Variants in MTHFD2L observed in about 807,000 individuals in gnomAD.
MTHFD2L encodes methylenetetrahydrofolate dehydrogenase (NADP+ dependent) 2 like.
MTHFD2L carries 29 observed loss-of-function variants against 34.9 expected under a neutral mutation model. The ratio of observed to expected loss-of-function variants is 0.83; its 90% CI spans 0.62 to 1.13. The LOEUF is 1.13. MTHFD2L is among the 50% of genes most tolerant of loss of function. The pLI is 0.00. For missense variants in MTHFD2L, 481 were observed against 446.5 expected, an observed-to-expected ratio of 1.08 and a Z score of -0.70; for synonymous variants, 167 against 155.7, an observed-to-expected ratio of 1.07 and a Z score of -0.54.
chr4:74,187,466 C>A (rs1056336552), intron 3 of MTHFD2L, among the ~76,000 whole-genome samples: 1 of 152,100 alleles, frequency 6.6e-6, no homozygotes, highest in Non-Finnish European at 1.5e-5. Context: ...TTTGAACAGA[C>A]ACTTCAAAGA....
At chr4:74,157,355 T>C (rs1209080503), upstream of MTHFD2L, 3 of 269,384 alleles carry the variant, frequency 1.1e-5, no homozygotes, top group Non-Finnish European at 2.2e-5. Context: ...ACTTCCCAGC[T>C]GGTTTTATCT....
chr4:74,190,316 A>T, intron 3 of MTHFD2L: 1 of 188,038 alleles, frequency 5.3e-6, no homozygotes, highest in Non-Finnish European at 9.9e-6. Context: ...TATACTCTTC[A>T]GGTCACTTAA....
intron 5 of MTHFD2L, among the ~76,000 whole-genome samples, chr4:74,223,454 T>C (rs1169303643): frequency 2.6e-5 from 4 of 151,946 alleles, no homozygotes; most frequent in Admixed American, 2.6e-4. Flanking sequence ...CAACAGACAC[T>C]GAAGCTTACC....
intron 7 of MTHFD2L, among the ~76,000 whole-genome samples, chr4:74,299,041 A>G (rs1273416556): frequency 6.6e-6 from 1 of 151,980 alleles, no homozygotes; most frequent in Non-Finnish European, 1.5e-5. Flanking sequence ...TAAGTACTCA[A>G]TTGATAGTAG....
At chr4:74,218,099 C>A (rs1169848348) in intron 5 of MTHFD2L, among the ~76,000 whole-genome samples, 5 of 151,970 alleles carry the variant, frequency 3.3e-5, no homozygotes, top group African/African-American at 1.2e-4. Context: ...ATTGTGTATT[C>A]TCATTGCCTA....
intron 6 of MTHFD2L, among the ~76,000 whole-genome samples, chr4:74,230,451 G>A (rs1487716822): frequency 6.6e-6 from 1 of 151,896 alleles, no homozygotes. Flanking sequence ...TTAGCCAGGT[G>A]TGGTGGTGGG....
chr4:74,210,061 A>G (rs970964692), intron 5 of MTHFD2L, among the ~76,000 whole-genome samples: 8 of 151,544 alleles, frequency 5.3e-5, no homozygotes, highest in African/African-American at 1.9e-4. Flanking sequence ...TTTCTTTTAA[A>G]TTTAAGTTTC....
intron 1 of MTHFD2L, among the ~76,000 whole-genome samples, chr4:74,170,353 C>G (rs943438623): frequency 6.6e-6 from 1 of 152,160 alleles, no homozygotes; most frequent in African/African-American, 2.4e-5. Flanking sequence ...TATTAACAGA[C>G]TAACACTCGA....
In MTHFD2L at chr4:74,137,927, T is replaced by C. The variant is rs980201079; in HGVS notation, c.-297+12410T>C. Among the ~76,000 whole-genome samples, 5 of 151,876 alleles carry C rather than the reference T, an allele frequency of 3.3e-5. No individual in the cohort carries two copies. In the East Asian group the frequency reaches 7.7e-4, roughly 23 times the overall value. ...AAAGTGGATATCATGAAGATACAGA[T>C]TGATGGTTACCAGAGACCAAGAATG... On this transcript the variant is annotated intron_variant, in intron 1 of 7. Coordinates refer to the MTHFD2L transcript ENST00000433372.
rs367606424 is a variant in MTHFD2L, at chr4:74,267,286, A to T, written c.806-14139A>T. 62 of 918,606 alleles carry T rather than the reference A, an allele frequency of 6.7e-5. No individual in the cohort carries two copies. The South Asian group carries it at 1.4e-3, about 20-fold the overall frequency. The allele number at this position is 918,606 out of a possible 1,614,324, so 56.9% of individuals were successfully genotyped here. On this transcript the variant is annotated intron_variant, in intron 6 of 7. Coordinates refer to ENST00000325278, the MANE Select transcript of MTHFD2L (RefSeq NM_001144978.3). ...GAAATACATTTCTTTTTTCTATTCT[A>T]TTCTTTTCTTTTCTTTTCTTTTCTT...
intron 2 of MTHFD2L, among the ~76,000 whole-genome samples, chr4:74,116,616 T>C (rs539271087): frequency 1.4e-4 from 21 of 152,356 alleles, no homozygotes; most frequent in African/African-American, 4.3e-4. Flanking sequence ...ATTGTGGTTA[T>C]GTCTTGATTT....
intron 1 of MTHFD2L, among the ~76,000 whole-genome samples, chr4:74,138,820 G>A (rs953366275): frequency 6.6e-6 from 1 of 152,174 alleles, no homozygotes; most frequent in Non-Finnish European, 1.5e-5. Context: ...GCGGGTTGCC[G>A]CTCCCTGCTC....
intron 3 of MTHFD2L, among the ~76,000 whole-genome samples, chr4:74,176,274 A>G (rs947299366): frequency 6.6e-6 from 1 of 152,042 alleles, no homozygotes; most frequent in Non-Finnish European, 1.5e-5. Context: ...ATTTACATTA[A>G]ATTAGATTCC....
At chr4:74,170,138 A>G (rs1188730156) in intron 1 of MTHFD2L, among the ~76,000 whole-genome samples, 1 of 152,228 alleles carries the variant, frequency 6.6e-6, no homozygotes. Context: ...CTATGAAGCT[A>G]GCATCATCCT....
At chr4:74,156,311 G>A (rs1049797343), upstream of MTHFD2L, among the ~76,000 whole-genome samples, 2 of 152,098 alleles carry the variant, frequency 1.3e-5, no homozygotes, top group Admixed American at 1.3e-4. Flanking sequence ...TTTATAGAAT[G>A]CCATATAATA....
chr4:74,185,013 G>C (rs770531773), intron 3 of MTHFD2L, among the ~76,000 whole-genome samples: 1 of 151,698 alleles, frequency 6.6e-6, no homozygotes. Flanking sequence ...TTAGCTGGGC[G>C]TGGTAGCAGA....
rs773388882 is a variant in MTHFD2L at position 74,302,898 on chromosome 4, T to C, written c.*1089T>C. ...ATTAGGAAATATATATGAATGTCGT[T>C]GAAGTCTATTTTGAGACTGCTAAAG... is the stretch of plus-strand genomic sequence containing the variant. On this transcript the variant is annotated 3_prime_UTR_variant, in exon 8 of 8. Transcript: ENST00000325278. The C allele has an allele frequency of 2.6e-5, 4 of 152,146 alleles. No homozygotes were observed. Among genetic ancestry groups the C allele is most frequent in the Non-Finnish European group, 5.9e-5 (4 of 68,006 alleles). The allele number at this position is 152,146 out of a possible 1,614,324, so 9.4% of individuals were successfully genotyped here.
At chr4:74,277,916 G>T (rs1048498648) in intron 6 of MTHFD2L, among the ~76,000 whole-genome samples, 1 of 151,924 alleles carries the variant, frequency 6.6e-6, no homozygotes, top group South Asian at 2.1e-4. Context: ...ACTGGTGATG[G>T]TCTGTGACTA....
chr4:74,130,492 G>T (rs868692146), intron 1 of MTHFD2L, among the ~76,000 whole-genome samples: 1 of 152,064 alleles, frequency 6.6e-6, no homozygotes, highest in South Asian at 2.1e-4. Flanking sequence ...AAAACCACAC[G>T]ATTATCTCAA....
Sources: allele counts gnomAD v4.1 joint callset (sites outside exome capture counted in the v4.1 genomes callset), GRCh38; gene constraint gnomAD v4.1.1; transcripts MANE v1.5; gene names NCBI Gene and HGNC (gene_info 2026-07-23, HGNC 2026-07-21).